CEP43: variants seen among roughly 807,000 people sequenced by gnomAD.
CEP43 encodes centrosomal protein 43, also known as FGFR1 oncogene partner.
A neutral mutation model predicts 52.6 loss-of-function variants in CEP43; 36 were observed. That is an observed-to-expected ratio of 0.68 (90% confidence interval 0.52 to 0.90). The LOEUF is 0.90. Among genes scored for constraint, CEP43 ranks in the 40% least tolerant of loss-of-function variants. The pLI is 0.00. For missense variants in CEP43, 506 were observed against 472.8 expected (o/e 1.07, Z -0.65); for synonymous variants, 192 against 172.4 (o/e 1.11, Z -0.89).
chr6:167,008,458 T>C (rs1362190794), intron 5 of CEP43, among the ~76,000 whole-genome samples: 1 of 151,870 alleles, frequency 6.6e-6, no homozygotes, highest in Non-Finnish European at 1.5e-5. Flanking sequence ...GTCTAAGGCA[T>C]TGTGATTTTT....
At chr6:167,001,881 C>T (rs1326119996) in intron 2 of CEP43, among the ~76,000 whole-genome samples, 1 of 151,618 alleles carries the variant, frequency 6.6e-6, no homozygotes, top group Non-Finnish European at 1.5e-5. Flanking sequence ...TTCCACATTG[C>T]TCCTAGATTG....
At chr6:167,038,729 A>G (rs547388934) in intron 12 of CEP43, among the ~76,000 whole-genome samples, 72 of 152,320 alleles carry the variant, frequency 4.7e-4, no homozygotes, top group African/African-American at 1.7e-3. Context: ...TTCTCAACAC[A>G]GCTTTAAATA....
intron 7 of CEP43, among the ~76,000 whole-genome samples, chr6:167,019,280 A>G (rs34549788): frequency 0.14 from 21,233 of 146,834 alleles, 2,260 homozygotes; most frequent in African/African-American, 0.31. Flanking sequence ...GTGCACACAC[A>G]TACACCTGCT....
chr6:167,042,508 C>G lies in CEP43; in HGVS notation c.*2530C>G, dbSNP rs1394315949. 7 of 308,722 alleles carry G rather than the reference C, an allele frequency of 2.3e-5. No individual in the cohort carries two copies. Among genetic ancestry groups the G allele is most frequent in the Non-Finnish European group, 3.3e-5 (7 of 211,104 alleles). 19.1% of individuals were successfully genotyped at this position (308,722 alleles called of 1,614,324 possible). A position where few individuals can be genotyped will look rare whatever the true frequency, so the allele number is the denominator to read the frequency against. The stretch of plus-strand genomic sequence containing the variant: ...GTCCCTGCCTCATGCTTGCCCACAG[C>G]TCTTCCTCCCCTCCTTACTTCCCTC... On this transcript the variant is annotated 3_prime_UTR_variant, in exon 13 of 13. Coordinates refer to ENST00000366847, the MANE Select transcript of CEP43 (RefSeq NM_007045.4).
chr6:167,032,173 G>C (rs893365702), intron 10 of CEP43, among the ~76,000 whole-genome samples: 5 of 152,216 alleles, frequency 3.3e-5, no homozygotes, highest in African/African-American at 1.2e-4. Flanking sequence ...GCCCTTATTT[G>C]CTGTGCTTCA....
chr6:167,012,100 T>C (rs1295982275), intron 6 of CEP43, among the ~76,000 whole-genome samples: 1 of 152,210 alleles, frequency 6.6e-6, no homozygotes, highest in African/African-American at 2.4e-5. Flanking sequence ...CAGATACAGT[T>C]GCATCTTTTT....
chr6:167,012,807 T>G (rs144554415), intron 6 of CEP43, among the ~76,000 whole-genome samples: 2 of 152,304 alleles, frequency 1.3e-5, no homozygotes, highest in East Asian at 1.9e-4. Flanking sequence ...TGAGGCTGCT[T>G]TAGAGAATAG....
chr6:167,000,848 ATACGTGGTC>A (rs1485673544), intron 2 of CEP43, among the ~76,000 whole-genome samples: 3 of 152,234 alleles, frequency 2.0e-5, no homozygotes, highest in Admixed American at 1.3e-4. Flanking sequence ...CTTAACGGTC[ATACGTGGTC>A]TGGAAGAAAT....
At chr6:167,003,133 A>G (rs1779774780) in intron 2 of CEP43, 60 bp from the exon 3 acceptor site, 1 of 764,006 alleles carries the variant, frequency 1.3e-6, no homozygotes, top group Admixed American at 2.8e-5. Context: ...GTTAAACTTT[A>G]TATTTTGTAG....
rs955158264 is a variant in CEP43, at chr6:167,041,910, G to C, written c.*1932G>C. 1.5e-6 allele frequency: 1 copy of C among 649,536 alleles called. No homozygotes were observed. Among genetic ancestry groups the C allele is most frequent in the Non-Finnish European group, 1.9e-6 (1 of 516,958 alleles). The allele number at this position is 649,536 out of a possible 1,614,324, so 40.2% of individuals were successfully genotyped here. The stretch of plus-strand genomic sequence containing the variant: ...GCGATCTCGGCTCACTGCAACCTCC[G>C]CCTCCTGGGTTCAAGCGATTCTCCT... On this transcript the variant is annotated 3_prime_UTR_variant, in exon 13 of 13. Transcript: ENST00000366847.
chr6:167,027,424 C>T (rs575940404), intron 10 of CEP43, among the ~76,000 whole-genome samples: 2 of 152,180 alleles, frequency 1.3e-5, no homozygotes, highest in South Asian at 4.2e-4. Context: ...TGGCCACTTC[C>T]TATGCTCTCT....
intron 7 of CEP43, among the ~76,000 whole-genome samples, chr6:167,016,941 A>G (rs1432849532): frequency 2.0e-5 from 3 of 151,976 alleles, no homozygotes; most frequent in Non-Finnish European, 2.9e-5. Context: ...ATGTAAATGG[A>G]AAAATGGTTA....
At chr6:167,001,851 C>G (rs190568262) in intron 2 of CEP43, among the ~76,000 whole-genome samples, 1 of 152,082 alleles carries the variant, frequency 6.6e-6, no homozygotes, top group African/African-American at 2.4e-5. Context: ...GTGTCCCTCA[C>G]CATCTCCCTG....
Position 167,024,892 on chromosome 6 carries a change from A to G in CEP43, c.917A>G (p.Glu306Gly). 2.6e-6 allele frequency: 4 copies of G among 1,551,182 alleles called. No homozygotes were observed. Among genetic ancestry groups the G allele is most frequent in the Non-Finnish European group, 3.6e-6 (4 of 1,125,828 alleles). The change falls in exon 9 of 13, where the codon GAG (glutamate) becomes GGG (glycine). Residue 306 changes from glutamate to glycine, a missense_variant and splice_region_variant. Physicochemically the swap from Glu to Gly is moderately conservative, Grantham distance 98 (BLOSUM62 -2). Coordinates refer to ENST00000366847, the MANE Select transcript of CEP43 (RefSeq NM_007045.4). The part of the protein sequence containing the change: ...LAGAPSLKDS[E>G]SKRGNTVLKD... ...GGAGCCCCTTCTTTAAAAGACTCTG[A>G]GAGTAAGTGCCCAAAGATGTGGACT... is the stretch of plus-strand genomic sequence containing the variant.
chr6:166,999,550 C>A, intron 1 of CEP43, 36 bp downstream of exon 1: 1 of 1,342,794 alleles, frequency 7.4e-7, no homozygotes, highest in Non-Finnish European at 9.8e-7. Context: ...CTGGCGGATC[C>A]GCAGGGCTTG....
chr6:167,006,382 G>A (rs1332825084), intron 5 of CEP43, among the ~76,000 whole-genome samples: 3 of 152,160 alleles, frequency 2.0e-5, no homozygotes, highest in East Asian at 3.9e-4. Flanking sequence ...GGGCGCGGTG[G>A]TGTGTGCCTG....
chr6:167,020,103 G>A (rs532221312), intron 7 of CEP43, among the ~76,000 whole-genome samples: 1 of 152,278 alleles, frequency 6.6e-6, no homozygotes, highest in South Asian at 2.1e-4. Flanking sequence ...TACAACTGCT[G>A]TGAATTACAT....
intron 12 of CEP43, chr6:167,036,765 A>T (rs926610866): frequency 3.4e-5 from 33 of 984,788 alleles, no homozygotes; most frequent in Middle Eastern, 5.2e-4. Context: ...TCTTATTCTA[A>T]AACTAAGGAG....
At chr6:167,017,952 A>G (rs920165051) in intron 7 of CEP43, among the ~76,000 whole-genome samples, 1 of 152,138 alleles carries the variant, frequency 6.6e-6, no homozygotes, top group Admixed American at 6.6e-5. Context: ...ATAAGTACCA[A>G]TATTGGGTGG....
Sources: gnomAD v4.1 joint callset for allele counts (sites outside exome capture counted in the v4.1 genomes callset) on GRCh38, gnomAD v4.1.1 for gene constraint, MANE v1.5 for transcripts, NCBI Gene and HGNC (gene_info 2026-07-23, HGNC 2026-07-21) for gene names.